ARF1: variants seen among roughly 807,000 people sequenced by gnomAD.
ARF1 encodes ARF GTPase 1.
ARF1 carries 1 observed loss-of-function variant against 18.0 expected under a neutral mutation model. That is an observed-to-expected ratio of 0.06 (90% CI 0.02 to 0.26). The LOEUF (loss-of-function observed/expected upper bound fraction) is 0.26, where lower values mean the gene tolerates loss of function less well. Ranked by LOEUF, ARF1 falls within the 10% of genes least tolerant of loss-of-function variation. The pLI is 1.00. For synonymous variants in ARF1, 112 were observed against 96.3 expected (o/e 1.16, Z -0.95); for missense variants, 73 against 247.2 (o/e 0.30, Z 4.73).
intron 1 of ARF1, among the ~76,000 whole-genome samples, chr1:228,093,304 AG>A (rs915958932): frequency 6.6e-6 from 1 of 152,070 alleles, no homozygotes; most frequent in African/African-American, 2.4e-5. Context: ...CCTGGAATTG[AG>A]GGTGGGGGTT....
rs1178329051 is a variant in ARF1 at position 228,098,232 on chromosome 1, A to G, written c.*219A>G. 3 of 491,144 alleles carry G rather than the reference A, an allele frequency of 6.1e-6. No individual in the cohort carries two copies. Among genetic ancestry groups the G allele is most frequent in the Non-Finnish European group, 1.0e-5 (3 of 285,824 alleles). The allele number at this position is 491,144 out of a possible 1,614,324, so 30.4% of individuals were successfully genotyped here. On this transcript the variant is annotated 3_prime_UTR_variant, in exon 5 of 5. Transcript: ENST00000272102. ...GAGGCAGTTTCTGGTACTCCTATGC[A>G]ATATTACTCAGCTTTTTTTATTGTA...
chr1:228,095,898 C>T lies in ARF1; in HGVS notation c.-37-1180C>T, dbSNP rs74140957. Among the ~76,000 whole-genome samples, 1,040 of 152,304 alleles carry T rather than the reference C, an allele frequency of 6.8e-3. 7 individuals carry two copies. The highest frequency in any genetic ancestry group is 0.021 in the African/African-American group (864 of 41,556). On this transcript the variant is annotated intron_variant, in intron 1 of 4. Transcript: ENST00000272102. ...AAAAGGGAACACTACAGTGAAGGTC[C>T]TTATAAATTTCAGAACTCATTTAAA...
In ARF1 at chr1:228,097,731, A is replaced by T; in HGVS notation, c.384+16A>T. ...CAACAAGCAGGTAGGCGCCCGGGCC[A>T]GCCTGGGGAATGTGAGGAGCCAGTG... On this transcript the variant is annotated intron_variant, in intron 4 of 4. Transcript: ENST00000272102. The surrounding 1 kb of genome is among the most constrained non-coding windows in gnomAD (Gnocchi z 8.1). The T allele has an allele frequency of 6.3e-7, 1 of 1,599,310 alleles. No individual in the cohort carries two copies. Among genetic ancestry groups the T allele is most frequent in the South Asian group, 1.1e-5 (1 of 88,624 alleles).
chr1:228,086,833 GA>G (rs1428273925), intron 1 of ARF1, among the ~76,000 whole-genome samples: 2 of 152,212 alleles, frequency 1.3e-5, no homozygotes, highest in African/African-American at 4.8e-5. Context: ...CTGATTTATA[GA>G]TGGCTGTCCA....
rs201369768 is a variant in ARF1, at chr1:228,088,593, AAGAT to A, written c.-38+5829_-38+5832del. ...AGGAACAAAATCACCTTATAAATCA[AAGAT>A]GACTGTGTATTGTTCTCTTCAGAAT... On this transcript the variant is annotated intron_variant, in intron 1 of 4. Coordinates refer to ENST00000272102, the MANE Select transcript of ARF1 (RefSeq NM_001658.4). Among the ~76,000 whole-genome samples, 141 of 152,334 alleles carry A rather than the reference AAGAT, an allele frequency of 9.3e-4. 2 individuals are homozygous for A. The East Asian group carries it at 0.015, about 16-fold the overall frequency.
rs537167396 is a variant in ARF1 at position 228,097,062 on chromosome 1, C to T, written c.-37-16C>T. ...GGGCAGCACAGAACCAGACATGGAG[C>T]ACCTTGTCTCTCCAGGTGTCCCTGG... On this transcript the variant is annotated splice_polypyrimidine_tract_variant and intron_variant, in intron 1 of 4. Transcript: ENST00000272102. The surrounding 1 kb of genome is among the most constrained non-coding windows in gnomAD (Gnocchi z 8.1). 3 of 1,548,420 alleles carry T rather than the reference C, an allele frequency of 1.9e-6. No individual in the cohort carries two copies. The highest frequency in any genetic ancestry group is 1.9e-5 in the Admixed American group (1 of 52,920).
At position 228,089,336 on chromosome 1, in the gene ARF1, T is replaced by A. The variant is rs1345943584; in HGVS notation, c.-38+6571T>A. Among the ~76,000 whole-genome samples the A allele has an allele frequency of 1.3e-5, 2 of 152,148 alleles. No individual in the cohort carries two copies. The highest frequency in any genetic ancestry group is 4.8e-5 in the African/African-American group (2 of 41,438). On this transcript the variant is annotated intron_variant, in intron 1 of 4. Coordinates refer to ENST00000272102, the MANE Select transcript of ARF1 (RefSeq NM_001658.4). This position sits in a 1 kb window ranked among gnomAD's most constrained non-coding sequence, Gnocchi z 4.1. ...CTGGAGTGCCTCCAGAAGCGAGGAT[T>A]TCCTGCAAGGGCGGTGGCCTCCCAG... is the stretch of plus-strand genomic sequence containing the variant.
chr1:228,084,887 T>G (rs1258014913), intron 1 of ARF1, among the ~76,000 whole-genome samples: 1 of 152,256 alleles, frequency 6.6e-6, no homozygotes, highest in Non-Finnish European at 1.5e-5. Flanking sequence ...TTAAACCTGC[T>G]GTTACTCACA....
chr1:228,098,053 T>A lies in ARF1; in HGVS notation c.*40T>A. 1 of 1,575,178 alleles carries A rather than the reference T, an allele frequency of 6.3e-7. No homozygotes were observed. Among genetic ancestry groups the A allele is most frequent in the South Asian group, 1.2e-5 (1 of 85,506 alleles). On this transcript the variant is annotated 3_prime_UTR_variant, in exon 5 of 5. Transcript: ENST00000272102. ...CCTCTCACTCCTCTTGCCCTCTGCT[T>A]TACTCTCATGTGGCAAACGTGCGGC...
intron 1 of ARF1, among the ~76,000 whole-genome samples, chr1:228,096,842 G>C (rs901276922): frequency 5.9e-5 from 9 of 152,232 alleles, no homozygotes; most frequent in African/African-American, 1.9e-4. Context: ...CCATGCAGCT[G>C]TGGGGACAGC....
At chr1:228,093,823 G>A (rs2032647618) in intron 1 of ARF1, among the ~76,000 whole-genome samples, 1 of 151,960 alleles carries the variant, frequency 6.6e-6, no homozygotes, top group South Asian at 2.1e-4. Flanking sequence ...AGCTACTCGG[G>A]AAGCTGAGGC....
chr1:228,094,296 T>G (rs1408519792), intron 1 of ARF1, among the ~76,000 whole-genome samples: 1 of 152,130 alleles, frequency 6.6e-6, no homozygotes, highest in Non-Finnish European at 1.5e-5. Context: ...TTATTCCTCC[T>G]AGACTTGTTA....
intron 1 of ARF1, among the ~76,000 whole-genome samples, chr1:228,092,645 G>C (rs955035142): frequency 6.6e-6 from 1 of 152,190 alleles, no homozygotes; most frequent in Non-Finnish European, 1.5e-5. Context: ...ACATACACCA[G>C]CTCTGACAGG....
At chr1:228,096,129 G>T (rs577247156) in intron 1 of ARF1, among the ~76,000 whole-genome samples, 166 of 152,308 alleles carry the variant, frequency 1.1e-3, no homozygotes, top group African/African-American at 3.8e-3. Context: ...TTGCCGTAGC[G>T]TGCTGGGGTG....
intron 1 of ARF1, among the ~76,000 whole-genome samples, chr1:228,093,974 A>G (rs2032653346): frequency 6.6e-6 from 1 of 150,992 alleles, no homozygotes; most frequent in Admixed American, 6.6e-5. Context: ...AAAAAAAAAA[A>G]AAAGCCACCA....
At chr1:228,086,697 G>C (rs567212242) in intron 1 of ARF1, among the ~76,000 whole-genome samples, 2 of 152,124 alleles carry the variant, frequency 1.3e-5, no homozygotes, top group Non-Finnish European at 2.9e-5. Context: ...ACCGCCCACT[G>C]CATCTCTCCA....
chr1:228,086,453 T>G (rs1439151553), intron 1 of ARF1, among the ~76,000 whole-genome samples: 1 of 151,556 alleles, frequency 6.6e-6, no homozygotes, highest in East Asian at 1.9e-4. Context: ...GAGGTGGAGC[T>G]TGCAGGGAGC....
chr1:228,095,673 G>T (rs113612894), intron 1 of ARF1, among the ~76,000 whole-genome samples: 6 of 152,068 alleles, frequency 3.9e-5, no homozygotes, highest in Non-Finnish European at 7.3e-5. Context: ...GGTCCCAGGC[G>T]GTCCAGTTTT....
rs1220391642 is a variant in ARF1 at position 228,098,346 on chromosome 1, C to T, written c.*333C>T. On this transcript the variant is annotated 3_prime_UTR_variant, in exon 5 of 5. Transcript: ENST00000272102. The stretch of plus-strand genomic sequence containing the variant: ...CCAGGAGTCGCTGTGTTGGGAGAGC[C>T]GGCCACGCCCTTGGCTTTAGAGCTG... 6 of 204,590 alleles carry T rather than the reference C, an allele frequency of 2.9e-5. No homozygotes were observed. In the East Asian group the frequency reaches 4.9e-4, roughly 17 times the overall value. The allele number at this position is 204,590 out of a possible 1,614,324, so 12.7% of individuals were successfully genotyped here. A position where few individuals can be genotyped will look rare whatever the true frequency, so the allele number is the denominator to read the frequency against.
Sources: allele counts gnomAD v4.1 joint callset (sites outside exome capture counted in the v4.1 genomes callset), GRCh38; gene constraint gnomAD v4.1.1; non-coding constraint Gnocchi (gnomAD v3.1); transcripts MANE v1.5; gene names NCBI Gene and HGNC (gene_info 2026-07-23, HGNC 2026-07-21).